METTL15: variants seen among roughly 807,000 people sequenced by gnomAD.
The protein encoded by METTL15 is 12S rRNA N(4)-cytidine methyltransferase METTL15.
A neutral mutation model predicts 38.3 loss-of-function variants in METTL15; 34 were observed. That is an observed-to-expected ratio of 0.89 (90% confidence interval 0.68 to 1.18). The LOEUF (loss-of-function observed/expected upper bound fraction) is 1.18. Among genes scored for constraint, METTL15 ranks in the 50% most tolerant of loss-of-function variants. METTL15 has a pLI of 0.00. For synonymous variants in METTL15, 162 were observed against 170.9 expected, an observed-to-expected ratio of 0.95 and a Z score of 0.41; for missense variants, 438 against 498.4, an observed-to-expected ratio of 0.88 and a Z score of 1.15.
chr11:28,443,815 C>T (rs765695723), intron 6 of METTL15, among the ~76,000 whole-genome samples: 13 of 152,140 alleles, frequency 8.5e-5, no homozygotes, highest in Non-Finnish European at 1.8e-4. Context: ...CGTTTGAATC[C>T]AATCCACCTT....
intron 3 of METTL15, among the ~76,000 whole-genome samples, chr11:28,187,880 A>G: frequency 6.6e-6 from 1 of 151,416 alleles, no homozygotes; most frequent in South Asian, 2.1e-4. Context: ...AAATTTTCTA[A>G]TAAATTTCCT....
chr11:28,294,505 G>A (rs1447302777), intron 5 of METTL15, among the ~76,000 whole-genome samples: 2 of 152,146 alleles, frequency 1.3e-5, no homozygotes, highest in South Asian at 2.1e-4. Flanking sequence ...TCAGATTATA[G>A]TAAGGTTTCT....
chr11:28,228,823 C>CA (rs1853580608), intron 4 of METTL15, among the ~76,000 whole-genome samples: 1 of 151,692 alleles, frequency 6.6e-6, no homozygotes, highest in African/African-American at 2.4e-5. Flanking sequence ...AATTTTTTGC[C>CA]AAAAACTTTG....
chr11:28,361,661 G>A (rs568258021), intron 4 of METTL15, among the ~76,000 whole-genome samples: 1 of 152,160 alleles, frequency 6.6e-6, no homozygotes, highest in South Asian at 2.1e-4. Context: ...TTTCTGGGTA[G>A]GGGGAGGGGT....
intron 6 of METTL15, among the ~76,000 whole-genome samples, chr11:28,308,017 A>G (rs570951687): frequency 6.6e-6 from 1 of 152,092 alleles, no homozygotes; most frequent in South Asian, 2.1e-4. Flanking sequence ...GTCTAACTGT[A>G]TTTTTGTTTT....
At chr11:28,374,879 T>C (rs976888336) in intron 5 of METTL15, among the ~76,000 whole-genome samples, 15 of 151,012 alleles carry the variant, frequency 9.9e-5, no homozygotes, top group African/African-American at 2.9e-4. Context: ...GCATGAAGGG[T>C]TGTTGAATTT....
chr11:28,342,565 A>G (rs1467142337), intron 3 of METTL15, among the ~76,000 whole-genome samples: 5 of 151,994 alleles, frequency 3.3e-5, no homozygotes, highest in African/African-American at 1.2e-4. Flanking sequence ...ACCTGGCCCC[A>G]TTCTTGGATT....
chr11:28,458,666 C>T (rs1024758523), intron 6 of METTL15, among the ~76,000 whole-genome samples: 15 of 152,204 alleles, frequency 9.9e-5, no homozygotes, highest in African/African-American at 3.6e-4. Context: ...TACTCTTCCA[C>T]TTGGGTCCAC....
chr11:28,332,407 T>G lies in METTL15; in HGVS notation c.*1566T>G, dbSNP rs1849840133. On this transcript the variant is annotated 3_prime_UTR_variant, in exon 7 of 7. Transcript: ENST00000407364. ...TGTGATTGGAAAAGAAAAGATCACATTTGTATATTCAACAATCTTTCACCT... is the reference window on the plus strand; with the variant it reads ...TGTGATTGGAAAAGAAAAGATCACAGTTGTATATTCAACAATCTTTCACCT... The G allele has an allele frequency of 6.6e-6, 1 of 152,084 alleles. No homozygotes were observed. Among genetic ancestry groups the G allele is most frequent in the Middle Eastern group, 3.2e-3 (1 of 316 alleles). 9.4% of individuals were successfully genotyped at this position (152,084 alleles called of 1,614,324 possible). A position where few individuals can be genotyped will look rare whatever the true frequency, so the allele number is the denominator to read the frequency against.
At chr11:28,149,877 G>C (rs1220487712) in intron 3 of METTL15, among the ~76,000 whole-genome samples, 6 of 151,946 alleles carry the variant, frequency 3.9e-5, no homozygotes, top group South Asian at 2.1e-4. Flanking sequence ...AGAAAATTCT[G>C]AGGCAAGAAA....
intron 5 of METTL15, 49 bp from the exon 6 acceptor site, chr11:28,296,704 G>T (rs770255588): frequency 1.3e-6 from 2 of 1,594,084 alleles, no homozygotes; most frequent in African/African-American, 2.7e-5. Context: ...TTCACGTCTT[G>T]TCAATGAGAA....
At chr11:28,468,524 C>T (rs1389443340) in intron 6 of METTL15, among the ~76,000 whole-genome samples, 1 of 151,972 alleles carries the variant, frequency 6.6e-6, no homozygotes, top group Non-Finnish European at 1.5e-5. Context: ...TTTAAGAGAC[C>T]AAGGGGTTGT....
intron 3 of METTL15, among the ~76,000 whole-genome samples, chr11:28,125,028 G>GC (rs1252912577): frequency 6.6e-6 from 1 of 152,020 alleles, no homozygotes; most frequent in Admixed American, 6.6e-5. Flanking sequence ...AACTTCTCTT[G>GC]CTAGGGCCTG....
At chr11:28,465,999 C>G (rs1330747529) in intron 6 of METTL15, among the ~76,000 whole-genome samples, 1 of 152,222 alleles carries the variant, frequency 6.6e-6, no homozygotes, top group Non-Finnish European at 1.5e-5. Flanking sequence ...TCTTCCCCTT[C>G]TTTCCTGTAT....
At chr11:28,402,359 T>G (rs990349625) in intron 5 of METTL15, among the ~76,000 whole-genome samples, 1 of 151,970 alleles carries the variant, frequency 6.6e-6, no homozygotes, top group Non-Finnish European at 1.5e-5. Context: ...CCTTCTCTGC[T>G]CTGTAGCCAA....
rs1206350475 is a variant in METTL15 at position 28,430,372 on chromosome 11, TG to T, written c.*424+6015del. Among the ~76,000 whole-genome samples the T allele has an allele frequency of 5.1e-4, 23 of 44,956 alleles. 1 individual carries two copies. Among genetic ancestry groups the T allele is most frequent in the African/African-American group, 1.5e-3 (19 of 12,680 alleles). 29.5% of individuals were successfully genotyped at this position (44,956 alleles called of 152,430 possible). A position where few individuals can be genotyped will look rare whatever the true frequency, so the allele number is the denominator to read the frequency against. ...GCCAGCCGTGCCATCCGGGAGGAGG[TG>T]GGGGGGTCAGCCCCCCGCCCGGCCA... is the stretch of plus-strand genomic sequence containing the variant. On this transcript the variant is annotated intron_variant and NMD_transcript_variant, in intron 6 of 7. Transcript: ENST00000532947.
At position 28,296,828 on chromosome 11, in the gene METTL15, A is replaced by G; in HGVS notation, c.675A>G (p.Thr225=). The G allele has an allele frequency of 6.2e-7, 1 of 1,613,618 alleles. No homozygotes were observed. The highest frequency in any genetic ancestry group is 8.5e-7 in the Non-Finnish European group (1 of 1,179,718). ...DQQALASILR[T]YGEEKHAKKI... is the part of the protein sequence containing the mutation. ...AGGCACTTGCATCTATCCTAAGAAC[A>G]TACGGGGAGGAGAAGCATGCCAAGA... Residue 225 remains threonine, a synonymous_variant, in exon 6 of 7, where the codon ACA becomes ACG. Coordinates refer to ENST00000407364, the MANE Select transcript of METTL15 (RefSeq NM_001113528.2).
chr11:28,440,398 C>T lies in METTL15; in HGVS notation c.*424+16034C>T, dbSNP rs1408088609. ...CTTTTTGCCACAAAAGAAAAAAATC[C>T]TGAGTGGCATTTTTGTCAGGAAAAA... On this transcript the variant is annotated intron_variant and NMD_transcript_variant, in intron 6 of 7. Coordinates refer to the METTL15 transcript ENST00000532947. 5.3e-5 allele frequency among the ~76,000 whole-genome samples: 8 copies of T among 151,976 alleles called. No individual in the cohort carries two copies. In the East Asian group the frequency reaches 1.4e-3, roughly 26 times the overall value.
chr11:28,328,195 G>A, intron 6 of METTL15: 7 of 1,598,678 alleles, frequency 4.4e-6, no homozygotes, highest in African/African-American at 4.0e-5. Context: ...TTTCAGTTTT[G>A]ATATGGACAT....
Sources: allele counts gnomAD v4.1 joint callset (sites outside exome capture counted in the v4.1 genomes callset), GRCh38; gene constraint gnomAD v4.1.1; transcripts MANE v1.5; gene names NCBI Gene and HGNC (gene_info 2026-07-23, HGNC 2026-07-21).